COL23A1: variants seen among roughly 807,000 people sequenced by gnomAD.
COL23A1 encodes the protein collagen type XXIII alpha 1 chain.
In COL23A1, 97 loss-of-function variants were observed where a neutral mutation model predicts 99.3. That is an observed-to-expected ratio of 0.98 (90% CI 0.83 to 1.16). The LOEUF is 1.16. COL23A1 is among the 50% of genes most tolerant of loss of function. The pLI, the probability that COL23A1 is intolerant of heterozygous loss-of-function variation, is 0.00. For missense variants in COL23A1, 762 were observed against 757.4 expected, an observed-to-expected ratio of 1.01 and a Z score of -0.07; for synonymous variants, 320 against 308.2, an observed-to-expected ratio of 1.04 and a Z score of -0.40.
rs1225795946 is a variant in COL23A1 at position 178,307,032 on chromosome 5, C to G, written c.362-113G>C. 4 of 714,674 alleles carry G rather than the reference C, an allele frequency of 5.6e-6. No individual in the cohort carries two copies. Among genetic ancestry groups the G allele is most frequent in the Non-Finnish European group, 8.6e-6 (4 of 465,436 alleles). The allele number at this position is 714,674 out of a possible 1,614,324, so 44.3% of individuals were successfully genotyped here. A position where few individuals can be genotyped will look rare whatever the true frequency, so the allele number is the denominator to read the frequency against. Reference sequence around the variant, plus strand: ...GCTCGCAACAGCTTTCTGGGAGTGGCCTGCCCGAGGGGGTCTGCTGGCTGT... The same window carrying G: ...GCTCGCAACAGCTTTCTGGGAGTGGGCTGCCCGAGGGGGTCTGCTGGCTGT... On this transcript the variant is annotated intron_variant, in intron 2 of 28. Transcript: ENST00000390654. This position sits in a 1 kb window ranked among gnomAD's most constrained non-coding sequence, Gnocchi z 4.2.
chr5:178,486,506 T>C (rs765355077), intron 2 of COL23A1, among the ~76,000 whole-genome samples: 1 of 152,048 alleles, frequency 6.6e-6, no homozygotes, highest in East Asian at 1.9e-4. Flanking sequence ...GCCGAACGGT[T>C]ACTACGCTCA....
chr5:178,289,635 G>A (rs768511007), intron 4 of COL23A1, among the ~76,000 whole-genome samples: 6 of 152,272 alleles, frequency 3.9e-5, no homozygotes, highest in Admixed American at 6.5e-5. Flanking sequence ...ACAACTGCCC[G>A]ACTCTACAGC....
chr5:178,285,656 G>C (rs937425903), intron 5 of COL23A1, among the ~76,000 whole-genome samples: 1 of 152,212 alleles, frequency 6.6e-6, no homozygotes, highest in African/African-American at 2.4e-5. Flanking sequence ...ATCTCCCCAG[G>C]CCCAAGTAGC....
intron 2 of COL23A1, among the ~76,000 whole-genome samples, chr5:178,465,334 G>C (rs911779665): frequency 6.6e-6 from 1 of 152,184 alleles, no homozygotes; most frequent in African/African-American, 2.4e-5. Context: ...GCAAAAGCCT[G>C]ACATTCTTTA....
At chr5:178,490,369 C>T (rs894101126) in intron 2 of COL23A1, among the ~76,000 whole-genome samples, 2 of 151,934 alleles carry the variant, frequency 1.3e-5, no homozygotes, top group Non-Finnish European at 2.9e-5. Flanking sequence ...CCGTAGAATT[C>T]CACTGAGAAG....
rs553793574 is a variant in COL23A1, at chr5:178,351,759, T to C, written c.362-44840A>G. 5.9e-5 allele frequency among the ~76,000 whole-genome samples: 9 copies of C among 152,254 alleles called. No individual in the cohort carries two copies. In the East Asian group the frequency reaches 1.5e-3, roughly 26 times the overall value. ...GGACTAATTGTGCCCCCCCAGTTTA[T>C]ATGCGGAAGCCCCTAGTCCCCATTG... On this transcript the variant is annotated intron_variant, in intron 2 of 28. Transcript: ENST00000390654.
At chr5:178,516,076 T>C (rs1299001188) in intron 2 of COL23A1, among the ~76,000 whole-genome samples, 4 of 152,160 alleles carry the variant, frequency 2.6e-5, no homozygotes, top group Non-Finnish European at 2.9e-5. Flanking sequence ...ATCCTGAGCT[T>C]CAGAACCAAA....
intron 22 of COL23A1, among the ~76,000 whole-genome samples, chr5:178,247,182 T>C (rs965296841): frequency 8.0e-6 from 1 of 124,562 alleles, no homozygotes; most frequent in African/African-American, 3.0e-5. Flanking sequence ...CGGGCTGGGA[T>C]GGGGAGAGGT....
chr5:178,510,843 C>G (rs1759166106), intron 2 of COL23A1, among the ~76,000 whole-genome samples: 1 of 152,012 alleles, frequency 6.6e-6, no homozygotes. Context: ...TCTGTACAAG[C>G]AAAAACCTGG....
chr5:178,404,216 C>G (rs993424442), intron 2 of COL23A1, among the ~76,000 whole-genome samples: 4 of 152,198 alleles, frequency 2.6e-5, no homozygotes, highest in Non-Finnish European at 5.9e-5. Context: ...TGTGGGGTAC[C>G]ATGCCCATCA....
At chr5:178,571,832 G>A (rs1309352231) in intron 1 of COL23A1, among the ~76,000 whole-genome samples, 1 of 152,182 alleles carries the variant, frequency 6.6e-6, no homozygotes, top group Non-Finnish European at 1.5e-5. Context: ...CACTTTGGGA[G>A]GCCGAGGCGG....
At chr5:178,531,472 G>A (rs965683684) in intron 2 of COL23A1, among the ~76,000 whole-genome samples, 5 of 152,146 alleles carry the variant, frequency 3.3e-5, no homozygotes, top group African/African-American at 1.2e-4. Context: ...GTTAAGGATG[G>A]AGAGATGGAA....
At chr5:178,506,254 G>A (rs770672084) in intron 2 of COL23A1, among the ~76,000 whole-genome samples, 1 of 152,218 alleles carries the variant, frequency 6.6e-6, no homozygotes, top group Non-Finnish European at 1.5e-5. Context: ...AGTCCTGGGC[G>A]AGGGTGGTTT....
intron 2 of COL23A1, among the ~76,000 whole-genome samples, chr5:178,364,112 T>C (rs189432290): frequency 6.6e-6 from 1 of 152,326 alleles, no homozygotes; most frequent in East Asian, 1.9e-4. Context: ...AGCTCTTCTT[T>C]GATCTTGTGC....
At chr5:178,568,567 C>T (rs886751455) in intron 1 of COL23A1, among the ~76,000 whole-genome samples, 1 of 152,158 alleles carries the variant, frequency 6.6e-6, no homozygotes, top group Non-Finnish European at 1.5e-5. Context: ...TGTCATCACC[C>T]CAAAAGGAAC....
intron 2 of COL23A1, among the ~76,000 whole-genome samples, chr5:178,339,216 C>A (rs1387146295): frequency 6.6e-6 from 1 of 152,208 alleles, no homozygotes; most frequent in Non-Finnish European, 1.5e-5. Flanking sequence ...TGGGGCCATA[C>A]AGAACAAACC....
At chr5:178,472,456 T>C (rs1430772745) in intron 2 of COL23A1, among the ~76,000 whole-genome samples, 1 of 152,206 alleles carries the variant, frequency 6.6e-6, no homozygotes, top group Non-Finnish European at 1.5e-5. Context: ...CCGGAGTTCT[T>C]GGATGGGGCC....
chr5:178,518,457 T>C (rs1253923559), intron 2 of COL23A1, among the ~76,000 whole-genome samples: 27 of 147,880 alleles, frequency 1.8e-4, no homozygotes, highest in South Asian at 1.7e-3. Context: ...GGCTCCTCAC[T>C]TCCCAGTAGG....
At chr5:178,342,079 T>C (rs1737145452) in intron 2 of COL23A1, among the ~76,000 whole-genome samples, 1 of 152,160 alleles carries the variant, frequency 6.6e-6, no homozygotes, top group Non-Finnish European at 1.5e-5. Flanking sequence ...GTTTGCTGTG[T>C]TATCATCTCC....
Sources: allele counts gnomAD v4.1 joint callset (sites outside exome capture counted in the v4.1 genomes callset), GRCh38; gene constraint gnomAD v4.1.1; non-coding constraint Gnocchi (gnomAD v3.1); transcripts MANE v1.5; gene names NCBI Gene and HGNC (gene_info 2026-07-23, HGNC 2026-07-21).